AP1S2: variants seen among roughly 807,000 people sequenced by gnomAD.
AP1S2 encodes the protein AP-1 complex subunit sigma-2.
In AP1S2, 1 loss-of-function variant was observed where a neutral mutation model predicts 14.3. The observed-to-expected ratio is 0.07, with a 90% CI of 0.02 to 0.33. AP1S2 has a LOEUF of 0.33. Among genes scored for constraint, AP1S2 ranks in the 10% least tolerant of loss-of-function variants. The pLI, the probability that AP1S2 is intolerant of heterozygous loss-of-function variation, is 0.99. For missense variants in AP1S2, 30 were observed against 117.7 expected, an observed-to-expected ratio of 0.25 and a Z score of 3.45; for synonymous variants, 30 against 40.5, an observed-to-expected ratio of 0.74 and a Z score of 0.99.
chrX:15,840,435 A>G, intron 4 of AP1S2: 1 of 570,927 alleles, frequency 1.8e-6, no homozygotes, highest in Non-Finnish European at 2.5e-6. Context: ...TCTCACGTGC[A>G]ACAGTATTTG....
chrX:15,840,516 C>A, intron 4 of AP1S2: 1 of 970,173 alleles, frequency 1.0e-6, no homozygotes, highest in African/African-American at 2.0e-5. Context: ...AGTTGGGGAT[C>A]AAAGGGACTA....
At position 15,826,848 on chromosome X, in the gene AP1S2, A is replaced by G. The variant is rs2147294736; in HGVS notation, c.*477T>C. ...TAAATTTGCTTTTTAAAGTTTCAAC[A>G]AAGTTTCCATTCATTTGATATGTGA... On this transcript the variant is annotated 3_prime_UTR_variant, in exon 6 of 6. Transcript: ENST00000672987. 9.1e-6 allele frequency: 1 copy of G among 110,444 alleles called. No homozygotes were observed. The highest frequency in any genetic ancestry group is 2.8e-4 in the East Asian group (1 of 3,520). 9.1% of individuals were successfully genotyped at this position (110,444 alleles called of 1,213,427 possible). A position where few individuals can be genotyped will look rare whatever the true frequency, so the allele number is the denominator to read the frequency against.
chrX:15,828,765 G>T (rs1933339104), intron 4 of AP1S2, among the ~76,000 whole-genome samples: 1 of 92,552 alleles, frequency 1.1e-5, no homozygotes, highest in African/African-American at 3.9e-5. Context: ...AAATGACCTC[G>T]TTTTAAAAAA....
intron 4 of AP1S2, among the ~76,000 whole-genome samples, chrX:15,834,022 A>G (rs1003583779): frequency 9.0e-6 from 1 of 111,726 alleles, no homozygotes; most frequent in Admixed American, 9.5e-5. Flanking sequence ...AAAATTTTTT[A>G]ATCCAGTTGT....
chrX:15,829,972 A>G, intron 4 of AP1S2: 2 of 429,599 alleles, frequency 4.7e-6, no homozygotes, highest in Non-Finnish European at 5.8e-6. Flanking sequence ...TTTAACCACA[A>G]TTTAAAAAAT....
At chrX:15,829,385 A>G (rs4830550) in intron 4 of AP1S2, among the ~76,000 whole-genome samples, 26,997 of 110,874 alleles carry the variant, frequency 0.24, 2,425 homozygotes, top group East Asian at 0.35. Flanking sequence ...CCTTGAATGT[A>G]TCAATTAAAT....
intron 2 of AP1S2, among the ~76,000 whole-genome samples, chrX:15,848,844 C>T (rs987196496): frequency 8.9e-6 from 1 of 112,297 alleles, no homozygotes; most frequent in Non-Finnish European, 1.9e-5. Flanking sequence ...TAAATATCAG[C>T]TGACTGTGGG....
intron 4 of AP1S2, among the ~76,000 whole-genome samples, chrX:15,844,313 T>C: frequency 1.1e-5 from 1 of 87,287 alleles, no homozygotes; most frequent in East Asian, 3.9e-4. Flanking sequence ...AAAATGGGAC[T>C]GAAAGTCACC....
chrX:15,845,761 T>C (rs1933980714), intron 3 of AP1S2, 142 bp downstream of exon 3: 2 of 642,660 alleles, frequency 3.1e-6, no homozygotes, highest in African/African-American at 4.5e-5. Flanking sequence ...TATGGACAAC[T>C]TAATAATTTC....
chrX:15,849,350 A>C (rs765330112), intron 2 of AP1S2, among the ~76,000 whole-genome samples: 2 of 112,764 alleles, frequency 1.8e-5, no homozygotes, highest in South Asian at 7.3e-4. Flanking sequence ...CTCAGGCGCT[A>C]AGCAGTAATT....
intron 4 of AP1S2, chrX:15,833,278 A>G (rs770480303): frequency 1.7e-5 from 13 of 753,101 alleles, no homozygotes; most frequent in Non-Finnish European, 1.9e-5. Context: ...TATGAACTAC[A>G]CCAGCAATTC....
intron 4 of AP1S2, chrX:15,830,976 ATTAAT>A (rs1054053752): frequency 3.2e-6 from 2 of 620,785 alleles, no homozygotes; most frequent in Admixed American, 1.7e-4. Flanking sequence ...AATGGTACAA[ATTAAT>A]TTTAGTTTCT....
At position 15,830,364 on chromosome X, in the gene AP1S2, C is replaced by T. The variant is rs768427454; in HGVS notation, c.427-2164G>A. The T allele has an allele frequency of 2.7e-5, 20 of 751,578 alleles. No homozygotes were observed. In the African/African-American group the frequency reaches 4.4e-4, roughly 16 times the overall value. The allele number at this position is 751,578 out of a possible 1,213,427, so 61.9% of individuals were successfully genotyped here. On this transcript the variant is annotated intron_variant, in intron 4 of 5. Coordinates refer to ENST00000672987, the MANE Select transcript of AP1S2 (RefSeq NM_001272071.2). ...ACCTGATTGATAGCACATCCAGGTG[C>T]TTCAAATGTCGTGCATTACAGTGAG...
intron 4 of AP1S2, chrX:15,833,355 C>T: frequency 2.3e-6 from 2 of 853,586 alleles, no homozygotes; most frequent in East Asian, 1.0e-4. Flanking sequence ...ACACCTTTTA[C>T]TGCTTTTAGG....
At position 15,830,309 on chromosome X, in the gene AP1S2, A is replaced by G. The variant is rs769444281; in HGVS notation, c.427-2109T>C. 1.0e-4 allele frequency: 78 copies of G among 751,807 alleles called. 1 individual carries two copies. In the South Asian group the frequency reaches 3.6e-3, roughly 35 times the overall value. The allele number at this position is 751,807 out of a possible 1,213,427, so 62.0% of individuals were successfully genotyped here. ...AGAAATGAAAGACCAATGTTTCTCA[A>G]TGCTTCCAATATATAATGCTAAATT... On this transcript the variant is annotated intron_variant, in intron 4 of 5. Transcript: ENST00000672987.
intron 4 of AP1S2, among the ~76,000 whole-genome samples, chrX:15,837,022 C>T (rs1382637065): frequency 8.9e-6 from 1 of 111,965 alleles, no homozygotes; most frequent in Non-Finnish European, 1.9e-5. Flanking sequence ...TTCAGCCTTC[C>T]AAGTAGCCGG....
intron 4 of AP1S2, chrX:15,840,549 A>G (rs1370581210): frequency 6.1e-6 from 6 of 981,538 alleles, no homozygotes; most frequent in Non-Finnish European, 8.0e-6. Context: ...GCTCTTTATC[A>G]TAAGATATCC....
rs1050897242 is a variant in AP1S2 at position 15,845,933 on chromosome X, A to G, written c.258T>C (p.Tyr86=). ...CGAAATACTTGTCAAGTAATTCCAC[A>G]TAACGATGAATTATTTCCAGGGTAA... ...ELITLEIIHR[Y]VELLDKYFGS... is the part of the protein sequence containing the mutation. Residue 86 remains tyrosine, a synonymous_variant, in exon 3 of 6, where the codon TAT becomes TAC. Coordinates refer to ENST00000672987, the MANE Select transcript of AP1S2 (RefSeq NM_001272071.2). 21 of 1,204,983 alleles carry G rather than the reference A, an allele frequency of 1.7e-5. No individual in the cohort carries two copies. Among genetic ancestry groups the G allele is most frequent in the East Asian group, 3.0e-5 (1 of 33,816 alleles).
intron 4 of AP1S2, chrX:15,832,978 A>G (rs1933480762): frequency 2.7e-6 from 3 of 1,126,549 alleles, no homozygotes; most frequent in Non-Finnish European, 3.5e-6. Flanking sequence ...ACCCAATGAA[A>G]CTCTTGCTGT....
Sources: gnomAD v4.1 joint callset for allele counts (sites outside exome capture counted in the v4.1 genomes callset) on GRCh38, gnomAD v4.1.1 for gene constraint, MANE v1.5 for transcripts, NCBI Gene and HGNC (gene_info 2026-07-23, HGNC 2026-07-21) for gene names.